Variants in COL4A6 observed in about 807,000 individuals in gnomAD.
COL4A6 encodes the protein collagen type IV alpha 6 chain, also known as collagen alpha-6(IV) chain.
In COL4A6, 59 loss-of-function variants were observed where a neutral mutation model predicts 126.7. That is an observed-to-expected ratio of 0.47 (90% CI 0.38 to 0.58). COL4A6 has a LOEUF of 0.58. Among genes scored for constraint, COL4A6 ranks in the 20% least tolerant of loss-of-function variants. The probability of loss-of-function intolerance (pLI) is 0.00; values close to 1 mark genes in which losing one functional copy is unlikely to be tolerated. For missense variants in COL4A6, 1,285 were observed against 1,337.3 expected (o/e 0.96, Z 0.61); for synonymous variants, 547 against 496.6 (o/e 1.10, Z -1.35).
chrX:108,330,370 CA>C (rs1327412746), intron 2 of COL4A6, among the ~76,000 whole-genome samples: 1 of 111,554 alleles, frequency 9.0e-6, no homozygotes, highest in Non-Finnish European at 1.9e-5. Context: ...CACGGCTCTC[CA>C]AGTACTCTAT....
At position 108,181,393 on chromosome X, in the gene COL4A6, T is replaced by A. The variant is rs377695844; in HGVS notation, c.1952-425A>T. 2.7e-5 allele frequency among the ~76,000 whole-genome samples: 3 copies of A among 112,101 alleles called. No individual in the cohort carries two copies. The East Asian group carries it at 8.4e-4, about 31-fold the overall frequency. ...GGTCCATTATGCTTATTTGACTAGA[T>A]TGGAAGGTTTGAAGCCAAGATCCCT... On this transcript the variant is annotated intron_variant, in intron 23 of 44. Transcript: ENST00000334504.
At chrX:108,168,524 A>G (rs2034200737) in intron 37 of COL4A6, among the ~76,000 whole-genome samples, 2 of 112,427 alleles carry the variant, frequency 1.8e-5, no homozygotes, top group Admixed American at 9.4e-5. Context: ...GAGAAACAGG[A>G]AATTTTGCAA....
At position 108,188,648 on chromosome X, in the gene COL4A6, C is replaced by T. The variant is rs769966341; in HGVS notation, c.1456G>A (p.Gly486Ser). ...CCGGGTGGTCCAGTGTTGGGAACAC[C>T]ACCGTCACAAGCACAGAAACCTGAG... is the stretch of plus-strand genomic sequence containing the variant. ...GDSGFCACDG[G>S]VPNTGPPGEP... Residue 486 changes from glycine to serine, a missense_variant, in exon 21 of 45, where the codon GGT becomes AGT. Coordinates refer to ENST00000334504, the MANE Select transcript of COL4A6 (RefSeq NM_033641.4). The T allele has an allele frequency of 3.4e-6, 4 of 1,176,359 alleles. No individual in the cohort carries two copies. In the East Asian group the frequency reaches 1.2e-4, roughly 36 times the overall value.
At chrX:108,324,635 ATATACT>A (rs1218672732) in intron 2 of COL4A6, among the ~76,000 whole-genome samples, 1 of 112,208 alleles carries the variant, frequency 8.9e-6, no homozygotes, top group African/African-American at 3.2e-5. Context: ...ATATTTGGGG[ATATACT>A]TATACTTAAG....
At chrX:108,363,977 T>G in intron 2 of COL4A6, among the ~76,000 whole-genome samples, 1 of 110,843 alleles carries the variant, frequency 9.0e-6, no homozygotes, top group Admixed American at 9.6e-5. Context: ...GTTCAAACGA[T>G]TCTCACACCT....
rs753151243 is a variant in COL4A6 at position 108,199,716 on chromosome X, T to C, written c.835-3137A>G. ...TGGGTTGAAATTGCAGCAGGGGAAA[T>C]ACTCTGGGTTCGGATGTGGAAGGGA... On this transcript the variant is annotated intron_variant, in intron 13 of 44. Transcript: ENST00000334504. Among the ~76,000 whole-genome samples the C allele has an allele frequency of 4.5e-5, 5 of 111,162 alleles. No individual in the cohort carries two copies. The East Asian group carries it at 1.1e-3, about 25-fold the overall frequency.
chrX:108,375,562 G>C (rs1381073392), intron 2 of COL4A6, among the ~76,000 whole-genome samples: 1 of 110,540 alleles, frequency 9.0e-6, no homozygotes, highest in African/African-American at 3.3e-5. Context: ...TTTTCTCCTG[G>C]AATCTTAATA....
intron 3 of COL4A6, among the ~76,000 whole-genome samples, chrX:108,282,400 T>C (rs1165500286): frequency 9.0e-6 from 1 of 110,900 alleles, no homozygotes; most frequent in Non-Finnish European, 1.9e-5. Context: ...GAAAAAGTGC[T>C]CTTCATCACT....
chrX:108,388,128 T>C (rs1279435266), intron 2 of COL4A6, among the ~76,000 whole-genome samples: 2 of 112,155 alleles, frequency 1.8e-5, no homozygotes, highest in African/African-American at 6.5e-5. Flanking sequence ...CAGTATCTTA[T>C]TGAGGATTTC....
Position 108,157,203 on chromosome X carries a change from G to T in COL4A6, c.4870C>A (p.Leu1624Ile). The T allele has an allele frequency of 8.3e-7, 1 of 1,211,979 alleles. No homozygotes were observed. The highest frequency in any genetic ancestry group is 1.1e-6 in the Non-Finnish European group (1 of 895,527). The change falls in exon 45 of 45, where the codon CTA (leucine) becomes ATA (isoleucine). Residue 1624 changes from leucine (L) to isoleucine (I), a missense_variant. Transcript: ENST00000334504. ...GQSLVSPGSC[L>I]EDFRATPFIE... ...AAAGGAGTGGCCCGAAAGTCCTCTA[G>T]GCAGGAGCCAGGTGAGACCAGGGAC...
At chrX:108,254,498 CTT>C (rs1246204929) in intron 3 of COL4A6, among the ~76,000 whole-genome samples, 1 of 111,126 alleles carries the variant, frequency 9.0e-6, no homozygotes, top group African/African-American at 3.3e-5. Flanking sequence ...TTGTAGTTCA[CTT>C]TGTTTTTGTT....
intron 2 of COL4A6, among the ~76,000 whole-genome samples, chrX:108,430,074 C>T (rs16985468): frequency 0.063 from 6,986 of 111,302 alleles, 527 homozygotes; most frequent in African/African-American, 0.2. Flanking sequence ...ACCAAAGAGG[C>T]CCAAAGCTCC....
Position 108,411,372 on chromosome X carries a change from C to T in COL4A6, c.63+26570G>A, listed in dbSNP as rs5973875. Among the ~76,000 whole-genome samples, 556 of 111,696 alleles carry T rather than the reference C, an allele frequency of 5.0e-3. 3 individuals are homozygous for T. Among genetic ancestry groups the T allele is most frequent in the African/African-American group, 0.016 (505 of 30,779 alleles). On this transcript the variant is annotated intron_variant, in intron 2 of 44. Coordinates refer to ENST00000334504, the MANE Select transcript of COL4A6 (RefSeq NM_033641.4). ...TATAGAAAGAGGTATGCAATTTTGT[C>T]TTGTCTGTGATAGGGAAGGAGGGAG...
intron 5 of COL4A6, among the ~76,000 whole-genome samples, chrX:108,218,276 C>T (rs1169601515): frequency 1.9e-5 from 2 of 104,937 alleles, no homozygotes; most frequent in Non-Finnish European, 3.8e-5. Flanking sequence ...GCTAGTTTCC[C>T]TTACCCAGTG....
In COL4A6 at chrX:108,438,415, C is replaced by G; in HGVS notation, c.-219G>C. On this transcript the variant is annotated 5_prime_UTR_variant, in exon 1 of 45. Transcript: ENST00000334504. Reference sequence around the variant, plus strand: ...GGTGCCCGTTACAACTTGCAGCACTCAGGAGATAGTTCCATGCAGCAGGAG... The same window carrying G: ...GGTGCCCGTTACAACTTGCAGCACTGAGGAGATAGTTCCATGCAGCAGGAG... 1 of 1,034,027 alleles carries G rather than the reference C, an allele frequency of 9.7e-7. No individual in the cohort carries two copies. The highest frequency in any genetic ancestry group is 1.2e-6 in the Non-Finnish European group (1 of 813,706). The allele number at this position is 1,034,027 out of a possible 1,213,427, so 85.2% of individuals were successfully genotyped here.
chrX:108,225,851 A>G (rs1178563328), intron 3 of COL4A6, among the ~76,000 whole-genome samples: 3 of 112,708 alleles, frequency 2.7e-5, no homozygotes, highest in Non-Finnish European at 5.6e-5. Flanking sequence ...CCATAAAATT[A>G]ACATTTGTTC....
Position 108,171,452 on chromosome X carries a change from C to T in COL4A6, c.3212G>A (p.Gly1071Asp), listed in dbSNP as rs1358237829. ...GCTACCGGAAATTTCAACTGTCTGG[C>T]CGTTGTCTCCTGAGGATTCCAATAC... ...SGLPGLKGDN[G>D]QTVEISGSPG... is the part of the protein sequence containing the mutation. Residue 1071 changes from glycine to aspartate, a missense_variant, in exon 33 of 45, where the codon GGC (glycine) becomes GAC (aspartate). Physicochemically the swap from Gly to Asp is moderately conservative, Grantham distance 94. Coordinates refer to ENST00000334504, the MANE Select transcript of COL4A6 (RefSeq NM_033641.4). The T allele has an allele frequency of 9.1e-6, 11 of 1,206,193 alleles. 1 individual carries two copies. In the Admixed American group the frequency reaches 1.8e-4, roughly 19 times the overall value.
chrX:108,379,880 C>A (rs1178254312), intron 2 of COL4A6, among the ~76,000 whole-genome samples: 1 of 110,508 alleles, frequency 9.0e-6, no homozygotes, highest in Non-Finnish European at 1.9e-5. Context: ...CAGTTGGAGA[C>A]CCCAAGTCTT....
rs1173151578 is a variant in COL4A6, at chrX:108,204,344, G to A, written c.756C>T (p.Phe252=). 3 of 1,198,827 alleles carry A rather than the reference G, an allele frequency of 2.5e-6. No homozygotes were observed. Among genetic ancestry groups the A allele is most frequent in the South Asian group, 3.7e-5 (2 of 54,713 alleles). ...PSTGELEFMG[F]PKGKKGSKGE... is the part of the protein sequence containing the mutation. ...CCTTGGATCCTTTCTTCCCTTTGGGGAATCCCATGAATTCCAGCTCTCCAG... is the reference window on the plus strand; with the variant it reads ...CCTTGGATCCTTTCTTCCCTTTGGGAAATCCCATGAATTCCAGCTCTCCAG... Residue 252 remains phenylalanine (F), a synonymous_variant, in exon 12 of 45, where the codon TTC becomes TTT. Transcript: ENST00000334504.
Sources: allele counts gnomAD v4.1 joint callset (sites outside exome capture counted in the v4.1 genomes callset), GRCh38; gene constraint gnomAD v4.1.1; transcripts MANE v1.5; gene names NCBI Gene and HGNC (gene_info 2026-07-23, HGNC 2026-07-21).